Variants in RNF115 observed in about 807,000 individuals in gnomAD.
RNF115 encodes ring finger protein 115.
In RNF115, 31 loss-of-function variants were observed where a neutral mutation model predicts 39.2. That is an observed-to-expected ratio of 0.79 (90% CI 0.59 to 1.07). The LOEUF (loss-of-function observed/expected upper bound fraction) is 1.07, where lower values mean the gene tolerates loss of function less well. Ranked by LOEUF, RNF115 falls within the 50% of genes least tolerant of loss-of-function variation. The pLI is 0.00. For missense variants in RNF115, 384 were observed against 381.7 expected (o/e 1.01, Z -0.05); for synonymous variants, 124 against 131.0 (o/e 0.95, Z 0.37).
At chr1:145,790,382 C>A (rs587643331) in intron 1 of RNF115, among the ~76,000 whole-genome samples, 16 of 136,266 alleles carry the variant, frequency 1.2e-4, no homozygotes, top group Admixed American at 3.0e-4. Flanking sequence ...TCAGGTGATC[C>A]CCCTGCCTCA....
chr1:145,745,511 T>G lies in RNF115; in HGVS notation c.*1355A>C, dbSNP rs1571698787. 1 of 145,798 alleles carries G rather than the reference T, an allele frequency of 6.9e-6. No homozygotes were observed. Among genetic ancestry groups the G allele is most frequent in the South Asian group, 2.2e-4 (1 of 4,638 alleles). The allele number at this position is 145,798 out of a possible 1,614,324, so 9.0% of individuals were successfully genotyped here. A position where few individuals can be genotyped will look rare whatever the true frequency, so the allele number is the denominator to read the frequency against. On this transcript the variant is annotated 3_prime_UTR_variant, in exon 9 of 9. Transcript: ENST00000582693. ...TTCGCTCTTGTTGCCCAGACTGGAG[T>G]GCATTGGTATGATCCGGCTCACCGC...
intron 2 of RNF115, 112 bp downstream of exon 2, chr1:145,788,796 G>A (rs781903073): frequency 7.5e-6 from 6 of 795,640 alleles, no homozygotes; most frequent in East Asian, 2.5e-5. Context: ...TCTCACTCTC[G>A]CTCTCTCTGT....
At chr1:145,781,828 C>T (rs1241838864) in intron 3 of RNF115, among the ~76,000 whole-genome samples, 1 of 151,990 alleles carries the variant, frequency 6.6e-6, no homozygotes, top group East Asian at 1.9e-4. Flanking sequence ...CCCTGGCCCA[C>T]CTTAACTCTT....
chr1:145,763,219 AAAT>A (rs1658599797), intron 4 of RNF115, among the ~76,000 whole-genome samples: 1 of 152,214 alleles, frequency 6.6e-6, no homozygotes. Flanking sequence ...TCTAAAATAA[AAAT>A]AATAAATTTT....
chr1:145,761,420 CCT>C (rs1658498895), intron 4 of RNF115, among the ~76,000 whole-genome samples: 1 of 152,162 alleles, frequency 6.6e-6, no homozygotes, highest in African/African-American at 2.4e-5. Context: ...CTGTGTGCAG[CCT>C]AGGGACTTGG....
At chr1:145,789,129 G>T (rs1648535527) in intron 1 of RNF115, among the ~76,000 whole-genome samples, 163 bp from the exon 2 acceptor site, 1 of 151,916 alleles carries the variant, frequency 6.6e-6, no homozygotes, top group Non-Finnish European at 1.5e-5. Context: ...GTGAGACAGG[G>T]TCTCACTCTG....
At chr1:145,758,883 T>C (rs587762765) in intron 4 of RNF115, among the ~76,000 whole-genome samples, 3 of 152,270 alleles carry the variant, frequency 2.0e-5, no homozygotes, top group South Asian at 2.1e-4. Flanking sequence ...GTATTTACAA[T>C]GAATTTTGTT....
intron 3 of RNF115, among the ~76,000 whole-genome samples, chr1:145,782,990 T>C (rs1020754311): frequency 1.2e-4 from 18 of 152,230 alleles, no homozygotes; most frequent in Non-Finnish European, 4.4e-5. Context: ...GCCTACCATG[T>C]AGCTAGGATT....
chr1:145,753,479 T>TA (rs149027895), intron 4 of RNF115, among the ~76,000 whole-genome samples: 2,200 of 152,082 alleles, frequency 0.014, 64 homozygotes, highest in African/African-American at 0.05. Flanking sequence ...AAGAGTCCTT[T>TA]AAAAAAAAGT....
chr1:145,764,508 G>A (rs1412159791), intron 4 of RNF115, among the ~76,000 whole-genome samples: 1 of 150,500 alleles, frequency 6.6e-6, no homozygotes, highest in Non-Finnish European at 1.5e-5. Flanking sequence ...GGGAGGTGAG[G>A]AGCCCCTCCG....
chr1:145,807,197 T>C (rs1397206417), intron 1 of RNF115, among the ~76,000 whole-genome samples: 2 of 152,222 alleles, frequency 1.3e-5, no homozygotes, highest in Non-Finnish European at 2.9e-5. Context: ...ACTTCACAAA[T>C]AGAGTATATG....
At position 145,780,437 on chromosome 1, in the gene RNF115, G is replaced by A. The variant is rs587682437; in HGVS notation, c.219+4102C>T. Among the ~76,000 whole-genome samples the A allele has an allele frequency of 7.9e-5, 12 of 151,792 alleles. No homozygotes were observed. The South Asian group carries it at 1.3e-3, about 16-fold the overall frequency. On this transcript the variant is annotated intron_variant, in intron 3 of 8. Coordinates refer to ENST00000582693, the MANE Select transcript of RNF115 (RefSeq NM_014455.4). Reference sequence around the variant, plus strand: ...AGATCGAGACCATCCTGGCTAACACGGTGAAACCCCGTCTCTACTAAAAAT... The same window carrying A: ...AGATCGAGACCATCCTGGCTAACACAGTGAAACCCCGTCTCTACTAAAAAT...
chr1:145,772,084 T>C (rs1480619895), intron 3 of RNF115, 165 bp from the exon 4 acceptor site: 3 of 610,890 alleles, frequency 4.9e-6, no homozygotes, highest in Non-Finnish European at 8.6e-6. Flanking sequence ...AACTATTACA[T>C]GATCTATACA....
At chr1:145,788,493 C>T (rs1376001646) in intron 2 of RNF115, among the ~76,000 whole-genome samples, 5 of 152,220 alleles carry the variant, frequency 3.3e-5, no homozygotes, top group Non-Finnish European at 5.9e-5. Flanking sequence ...TCAGAAGTCA[C>T]TCCCTAACCC....
At chr1:145,813,173 C>T (rs181779056) in intron 1 of RNF115, among the ~76,000 whole-genome samples, 85 of 151,898 alleles carry the variant, frequency 5.6e-4, no homozygotes, top group African/African-American at 2.0e-3. Context: ...GCTTCCCATA[C>T]GTGCACCTAA....
intron 1 of RNF115, among the ~76,000 whole-genome samples, chr1:145,801,776 G>A (rs1553720920): frequency 6.6e-6 from 1 of 151,760 alleles, no homozygotes; most frequent in Non-Finnish European, 1.5e-5. Context: ...TTCTAATTCA[G>A]TAACTCATTT....
At chr1:145,764,231 G>T (rs1553714327) in intron 4 of RNF115, among the ~76,000 whole-genome samples, 3 of 152,198 alleles carry the variant, frequency 2.0e-5, no homozygotes, top group Admixed American at 6.5e-5. Context: ...TGTTGCCCAG[G>T]CTGGAGTGCA....
intron 4 of RNF115, among the ~76,000 whole-genome samples, chr1:145,756,827 GCTT>G (rs1277081123): frequency 0.03 from 2,407 of 81,278 alleles, 45 homozygotes; most frequent in Non-Finnish European, 0.046. Context: ...CAAATTTCTA[GCTT>G]CTTTTTTTTT....
At chr1:145,780,618 TAAAAAAAAAAAAA>T (rs1205816224) in intron 3 of RNF115, among the ~76,000 whole-genome samples, 5 of 64,526 alleles carry the variant, frequency 7.7e-5, no homozygotes, top group Non-Finnish European at 9.4e-5. Flanking sequence ...AGACTCCGTC[TAAAAAAAAAAAAA>T]AAAAAAAAAA....
Sources: gnomAD v4.1 joint callset for allele counts (sites outside exome capture counted in the v4.1 genomes callset) on GRCh38, gnomAD v4.1.1 for gene constraint, MANE v1.5 for transcripts, NCBI Gene and HGNC (gene_info 2026-07-23, HGNC 2026-07-21) for gene names.